The following ARHGAP19 variants were observed in gnomAD, a reference collection of about 807,000 sequenced individuals.
The protein encoded by ARHGAP19 is Rho GTPase activating protein 19.
In ARHGAP19, 48 loss-of-function variants were observed where a neutral mutation model predicts 60.9. That is an observed-to-expected ratio of 0.79 (90% CI 0.62 to 1.00). The LOEUF (loss-of-function observed/expected upper bound fraction) is 1.00, where lower values mean the gene tolerates loss of function less well. Ranked by LOEUF, ARHGAP19 falls within the 50% of genes least tolerant of loss-of-function variation. The pLI is 0.00. For missense variants in ARHGAP19, 562 were observed against 597.2 expected, an observed-to-expected ratio of 0.94 and a Z score of 0.61; for synonymous variants, 209 against 215.5, an observed-to-expected ratio of 0.97 and a Z score of 0.27.
chr10:97,241,314 GATCA>G (rs1842477816), intron 8 of ARHGAP19, among the ~76,000 whole-genome samples: 4 of 151,850 alleles, frequency 2.6e-5, no homozygotes, highest in African/African-American at 9.7e-5. Flanking sequence ...TTTTACTTAA[GATCA>G]TATTTACTTA....
chr10:97,252,198 C>G (rs1352683054), intron 6 of ARHGAP19, among the ~76,000 whole-genome samples: 1 of 151,988 alleles, frequency 6.6e-6, no homozygotes, highest in Non-Finnish European at 1.5e-5. Flanking sequence ...TAAAAACTAG[C>G]CAGGTGTGGT....
chr10:97,266,168 A>G (rs2134891319), intron 1 of ARHGAP19, 43 bp from the exon 2 acceptor site: 1 of 1,604,364 alleles, frequency 6.2e-7, no homozygotes, highest in African/African-American at 1.3e-5. Flanking sequence ...TCATTTTTGT[A>G]TGTTTCTTAT....
rs564932641 is a variant in ARHGAP19, at chr10:97,248,844, G to T, written c.928-2507C>A. ...TGTTTGTTTGTTTGTTTGTGACAGGGTCTCACTCTGTCACCCAGGCTGGAG... is the reference window on the plus strand; with the variant it reads ...TGTTTGTTTGTTTGTTTGTGACAGGTTCTCACTCTGTCACCCAGGCTGGAG... On this transcript the variant is annotated intron_variant, in intron 6 of 11. Coordinates refer to ENST00000358531, the MANE Select transcript of ARHGAP19 (RefSeq NM_032900.6). Among the ~76,000 whole-genome samples the T allele has an allele frequency of 2.3e-4, 35 of 151,984 alleles. No homozygotes were observed. In the South Asian group the frequency reaches 7.3e-3, roughly 32 times the overall value.
chr10:97,235,752 A>G (rs1214415106), intron 8 of ARHGAP19, among the ~76,000 whole-genome samples: 2 of 152,194 alleles, frequency 1.3e-5, no homozygotes, highest in Non-Finnish European at 2.9e-5. Flanking sequence ...GACATCTATC[A>G]TGACTGCCTG....
At chr10:97,247,607 T>C (rs1341694565) in intron 6 of ARHGAP19, among the ~76,000 whole-genome samples, 1 of 150,942 alleles carries the variant, frequency 6.6e-6, no homozygotes, top group African/African-American at 2.4e-5. Context: ...TCAACTTTCA[T>C]ACATCCATAC....
chr10:97,249,453 C>A (rs1842610034), intron 6 of ARHGAP19, among the ~76,000 whole-genome samples: 1 of 152,140 alleles, frequency 6.6e-6, no homozygotes. Context: ...TAATCTGAAT[C>A]TGATTAAGAC....
intron 1 of ARHGAP19, among the ~76,000 whole-genome samples, chr10:97,288,809 CTT>C (rs750951743): frequency 1.2e-3 from 146 of 119,964 alleles, no homozygotes; most frequent in African/African-American, 4.7e-3. Context: ...AACTTCTCTC[CTT>C]TTTTTTTTTT....
intron 1 of ARHGAP19, among the ~76,000 whole-genome samples, chr10:97,286,453 G>T (rs971395982): frequency 1.3e-5 from 2 of 152,150 alleles, no homozygotes; most frequent in Admixed American, 1.3e-4. Flanking sequence ...TTAGCTGGAC[G>T]TGGTGGCACA....
chr10:97,264,958 A>G, intron 2 of ARHGAP19, 52 bp from the exon 3 acceptor site: 2 of 1,371,178 alleles, frequency 1.5e-6, no homozygotes, highest in Non-Finnish European at 2.1e-6. Flanking sequence ...ATAGTACAAA[A>G]TCATCATACC....
intron 1 of ARHGAP19, among the ~76,000 whole-genome samples, chr10:97,291,323 TTTTA>T (rs775691216): frequency 1.2e-4 from 19 of 152,284 alleles, no homozygotes; most frequent in Admixed American, 7.2e-4. Flanking sequence ...TCATATTTTA[TTTTA>T]TTTATTTATT....
intron 5 of ARHGAP19, 38 bp from the exon 6 acceptor site, chr10:97,256,442 G>GTACTACTTTCT: frequency 1.4e-6 from 2 of 1,441,970 alleles, no homozygotes; most frequent in Non-Finnish European, 2.0e-6. Context: ...TGGACATTAA[G>GTACTACTTTCT]AGCTAGAAAG....
intron 9 of ARHGAP19, among the ~76,000 whole-genome samples, chr10:97,231,059 CAAAAAAAAAAAAAAAAA>C: frequency 1.7e-5 from 1 of 59,764 alleles, no homozygotes; most frequent in East Asian, 5.7e-4. Context: ...CTTGTCTCAC[CAAAAAAAAAAAAAAAAA>C]AAAAAAAAAA....
intron 6 of ARHGAP19, among the ~76,000 whole-genome samples, chr10:97,249,505 G>A (rs975078889): frequency 1.3e-5 from 2 of 152,188 alleles, no homozygotes; most frequent in South Asian, 2.1e-4. Context: ...CATGGAAGGT[G>A]ATAGAGGAAC....
At chr10:97,262,210 T>A (rs75090652) in intron 4 of ARHGAP19, among the ~76,000 whole-genome samples, 48 of 147,236 alleles carry the variant, frequency 3.3e-4, no homozygotes, top group African/African-American at 1.1e-3. Context: ...TTTTTTTTTT[T>A]AAATCAGTAA....
chr10:97,226,239 T>TG, intron 11 of ARHGAP19, 107 bp from the exon 12 acceptor site: 1 of 1,084,926 alleles, frequency 9.2e-7, no homozygotes, highest in Non-Finnish European at 1.4e-6. Context: ...TTCTCCAAAC[T>TG]GAAGGCTAAT....
Position 97,228,439 on chromosome 10 carries a change from A to G in ARHGAP19, c.1474+708T>C, listed in dbSNP as rs1216930407. ...CAATTGAGCCTCATAATAAATTAAT[A>G]AATCTGTGAAGTAGATGTAACTTTT... is the stretch of plus-strand genomic sequence containing the variant. On this transcript the variant is annotated intron_variant, in intron 11 of 11. Coordinates refer to ENST00000358531, the MANE Select transcript of ARHGAP19 (RefSeq NM_032900.6). Among the ~76,000 whole-genome samples the G allele has an allele frequency of 5.3e-5, 8 of 152,372 alleles. No individual in the cohort carries two copies. In the East Asian group the frequency reaches 1.3e-3, roughly 26 times the overall value.
intron 1 of ARHGAP19, among the ~76,000 whole-genome samples, chr10:97,269,412 TA>T (rs1458051879): frequency 6.6e-6 from 1 of 152,114 alleles, no homozygotes; most frequent in Non-Finnish European, 1.5e-5. Flanking sequence ...AGCCAAAAAG[TA>T]ACTAAAAAAA....
At chr10:97,261,317 G>A (rs1842827540) in intron 4 of ARHGAP19, among the ~76,000 whole-genome samples, 1 of 144,232 alleles carries the variant, frequency 6.9e-6, no homozygotes, top group South Asian at 2.3e-4. Context: ...CTGTTAATAT[G>A]AAACTGAAAA....
At chr10:97,235,405 T>C (rs1851112176) in intron 8 of ARHGAP19, 90 bp from the exon 9 acceptor site, 2 of 1,217,168 alleles carry the variant, frequency 1.6e-6, no homozygotes, top group Non-Finnish European at 2.3e-6. Flanking sequence ...TAAATAAAAG[T>C]CCAGGAAAAA....
Sources: allele counts gnomAD v4.1 joint callset (sites outside exome capture counted in the v4.1 genomes callset), GRCh38; gene constraint gnomAD v4.1.1; transcripts MANE v1.5; gene names NCBI Gene and HGNC (gene_info 2026-07-23, HGNC 2026-07-21).